The following ABRACL variants were observed in gnomAD, a reference collection of about 807,000 sequenced individuals.
ABRACL encodes the protein ABRA C-terminal like.
ABRACL carries 4 observed loss-of-function variants against 7.0 expected under a neutral mutation model. That is an observed-to-expected ratio of 0.57 (90% CI 0.28 to 1.30). The LOEUF (loss-of-function observed/expected upper bound fraction) is 1.30, where lower values mean the gene tolerates loss of function less well. Among genes scored for constraint, ABRACL ranks in the 50% most tolerant of loss-of-function variants. The pLI is 0.10. For missense variants in ABRACL, 104 were observed against 97.3 expected, an observed-to-expected ratio of 1.07 and a Z score of -0.29; for synonymous variants, 30 against 36.0, an observed-to-expected ratio of 0.83 and a Z score of 0.60.
At chr6:139,041,232 C>G (rs1282626064) in intron 2 of ABRACL, among the ~76,000 whole-genome samples, 1 of 151,870 alleles carries the variant, frequency 6.6e-6, no homozygotes, top group African/African-American at 2.4e-5. Flanking sequence ...ACATCTTGCC[C>G]TCCTCTAAAC....
intron 1 of ABRACL, among the ~76,000 whole-genome samples, chr6:139,031,111 CGGGGTCG>C: frequency 6.6e-6 from 1 of 152,238 alleles, no homozygotes. Flanking sequence ...AACATCTTTC[CGGGGTCG>C]GGAATCAGAG....
intron 1 of ABRACL, among the ~76,000 whole-genome samples, chr6:139,033,516 G>A (rs1464838935): frequency 2.0e-5 from 3 of 152,148 alleles, no homozygotes; most frequent in African/African-American, 7.2e-5. Context: ...GTTCATTCTG[G>A]GGTGCCCAGC....
intron 2 of ABRACL, among the ~76,000 whole-genome samples, chr6:139,041,493 A>ATATGTGTGTG (rs71932479): frequency 8.2e-4 from 101 of 122,482 alleles, no homozygotes; most frequent in East Asian, 6.6e-3. Flanking sequence ...ATATATATAT[A>ATATGTGTGTG]TGTGTGTGTG....
intron 1 of ABRACL, among the ~76,000 whole-genome samples, chr6:139,032,259 C>T (rs1772768378): frequency 6.6e-6 from 1 of 152,202 alleles, no homozygotes; most frequent in Non-Finnish European, 1.5e-5. Flanking sequence ...CCACCGCGCC[C>T]GGGCTTTCCT....
At chr6:139,041,523 A>ATC (rs1786251430) in intron 2 of ABRACL, among the ~76,000 whole-genome samples, 1 of 43,306 alleles carries the variant, frequency 2.3e-5, no homozygotes, top group African/African-American at 1.1e-4. Context: ...GTATATATAT[A>ATC]TATATATATT....
intron 2 of ABRACL, among the ~76,000 whole-genome samples, chr6:139,042,044 G>C (rs772316779): frequency 1.3e-5 from 2 of 152,132 alleles, no homozygotes; most frequent in Non-Finnish European, 2.9e-5. Flanking sequence ...TCAGTCAAGT[G>C]GTCAAAGGAA....
intron 2 of ABRACL, among the ~76,000 whole-genome samples, chr6:139,041,241 A>G (rs1038715832): frequency 4.0e-5 from 6 of 151,566 alleles, no homozygotes; most frequent in Admixed American, 2.0e-4. Flanking sequence ...CCTCCTCTAA[A>G]CTGTAAAATA....
At chr6:139,036,249 T>C (rs1308170832) in intron 2 of ABRACL, among the ~76,000 whole-genome samples, 1 of 152,016 alleles carries the variant, frequency 6.6e-6, no homozygotes, top group Non-Finnish European at 1.5e-5. Context: ...CCTGCCTCCT[T>C]CTTCTGTTTT....
intron 2 of ABRACL, among the ~76,000 whole-genome samples, chr6:139,040,105 A>C (rs1359178114): frequency 6.6e-6 from 1 of 152,162 alleles, no homozygotes; most frequent in African/African-American, 2.4e-5. Flanking sequence ...AAAAGAAAAA[A>C]GAACCAAAGA....
At chr6:139,030,914 T>TA (rs1786073137) in intron 1 of ABRACL, among the ~76,000 whole-genome samples, 1 of 152,228 alleles carries the variant, frequency 6.6e-6, no homozygotes, top group Non-Finnish European at 1.5e-5. Flanking sequence ...TAATTAATTA[T>TA]AAAGAAACGC....
At chr6:139,033,383 C>T (rs1786109730) in intron 1 of ABRACL, among the ~76,000 whole-genome samples, 1 of 152,226 alleles carries the variant, frequency 6.6e-6, no homozygotes, top group Non-Finnish European at 1.5e-5. Context: ...TGGGCACTGC[C>T]CAGAGAAGGC....
intron 1 of ABRACL, among the ~76,000 whole-genome samples, chr6:139,029,308 C>T (rs1786042217): frequency 6.6e-6 from 1 of 152,030 alleles, no homozygotes. Flanking sequence ...TCTGCAGCGC[C>T]GGAGGTGGGT....
chr6:139,031,390 A>G (rs1786079270), intron 1 of ABRACL, among the ~76,000 whole-genome samples: 1 of 152,252 alleles, frequency 6.6e-6, no homozygotes, highest in Non-Finnish European at 1.5e-5. Flanking sequence ...ATATAAGTAC[A>G]TAAAAAAGAG....
Position 139,042,964 on chromosome 6 carries a change from T to A in ABRACL, c.*61T>A. On this transcript the variant is annotated 3_prime_UTR_variant, in exon 3 of 3. Coordinates refer to ENST00000367660, the MANE Select transcript of ABRACL (RefSeq NM_021243.3). ...GTTTCTGGTAAACTGGAATATAAAG[T>A]GAAAGAACAAACATTTGAACATACT... 1 of 1,369,516 alleles carries A rather than the reference T, an allele frequency of 7.3e-7. No homozygotes were observed. The highest frequency in any genetic ancestry group is 1.9e-4 in the Middle Eastern group (1 of 5,352). 84.8% of individuals were successfully genotyped at this position (1,369,516 alleles called of 1,614,324 possible).
rs752699840 is a variant in ABRACL, at chr6:139,034,230, C to T, written c.61+9C>T. ...TCGTTTGGGTTCAAAAAGTAAGTAT[C>T]TGACAGAGATAGAGTATTTCTCCTG... is the stretch of plus-strand genomic sequence containing the variant. On this transcript the variant is annotated intron_variant, in intron 2 of 2. Coordinates refer to ENST00000367660, the MANE Select transcript of ABRACL (RefSeq NM_021243.3). 37 of 1,614,152 alleles carry T rather than the reference C, an allele frequency of 2.3e-5. No homozygotes were observed. The highest frequency in any genetic ancestry group is 9.9e-5 in the South Asian group (9 of 91,060).
At chr6:139,033,855 A>G (rs62441851) in intron 1 of ABRACL, among the ~76,000 whole-genome samples, 8,381 of 150,096 alleles carry the variant, frequency 0.056, 338 homozygotes, top group Non-Finnish European at 0.081. Flanking sequence ...ACCTACGCAT[A>G]GTGAATCGTG....
chr6:139,035,388 G>A (rs1486661527), intron 2 of ABRACL, among the ~76,000 whole-genome samples: 3 of 152,184 alleles, frequency 2.0e-5, no homozygotes, highest in Admixed American at 2.0e-4. Context: ...CCAGCTTCTA[G>A]AAGTTGCCTT....
intron 1 of ABRACL, among the ~76,000 whole-genome samples, chr6:139,029,457 GGGGAGGCAGACCCGC>G (rs1786045528): frequency 6.6e-6 from 1 of 152,012 alleles, no homozygotes; most frequent in African/African-American, 2.4e-5. Flanking sequence ...CCGGGCCACG[GGGGAGGCAGACCCGC>G]GGCGCCGGGC....
At chr6:139,037,300 C>T (rs1786175408) in intron 2 of ABRACL, among the ~76,000 whole-genome samples, 1 of 151,996 alleles carries the variant, frequency 6.6e-6, no homozygotes, top group Non-Finnish European at 1.5e-5. Context: ...CACTCTGTTT[C>T]CCGGGCTGGA....
Sources: gnomAD v4.1 joint callset for allele counts (sites outside exome capture counted in the v4.1 genomes callset) on GRCh38, gnomAD v4.1.1 for gene constraint, MANE v1.5 for transcripts, NCBI Gene and HGNC (gene_info 2026-07-23, HGNC 2026-07-21) for gene names.